CNTNAP2: variants seen among roughly 807,000 people sequenced by gnomAD.
CNTNAP2 encodes contactin-associated protein-like 2.
Under a neutral mutation model 155.2 loss-of-function variants are expected in CNTNAP2, and 98 were observed. The observed-to-expected ratio is 0.63, with a 90% CI of 0.54 to 0.75. The LOEUF (loss-of-function observed/expected upper bound fraction) is 0.75, where lower values mean the gene tolerates loss of function less well. Among genes scored for constraint, CNTNAP2 ranks in the 30% least tolerant of loss-of-function variants. The pLI is 0.00. For synonymous variants in CNTNAP2, 651 were observed against 631.2 expected (o/e 1.03, Z -0.47); for missense variants, 1,727 against 1,688.1 (o/e 1.02, Z -0.40).
chr7:147,102,297 A>AAAAAAAAC (rs3083773), intron 4 of CNTNAP2, among the ~76,000 whole-genome samples: 1 of 151,478 alleles, frequency 6.6e-6, no homozygotes, highest in East Asian at 1.9e-4. Context: ...AAAAAAAAAA[A>AAAAAAAAC]GAAGCTCAAG....
rs150783627 is a variant in CNTNAP2 at position 147,515,365 on chromosome 7, C to T, written c.1777+29324C>T. On this transcript the variant is annotated intron_variant, in intron 11 of 23. Coordinates refer to ENST00000361727, the MANE Select transcript of CNTNAP2 (RefSeq NM_014141.6). ...TTGAGACAAGTCTCGCTCTGTCGCC[C>T]AGGCTGGAGTGCAGTGGTGTGATCT... is the stretch of plus-strand genomic sequence containing the variant. Among the ~76,000 whole-genome samples, 1,349 of 141,206 alleles carry T rather than the reference C, an allele frequency of 9.6e-3. 26 individuals are homozygous for T. Among genetic ancestry groups the T allele is most frequent in the African/African-American group, 0.034 (1,292 of 38,274 alleles). 92.6% of individuals were successfully genotyped at this position (141,206 alleles called of 152,430 possible).
rs1443756350 is a variant in CNTNAP2 at position 146,882,058 on chromosome 7, CG to C, written c.402+42155del. Among the ~76,000 whole-genome samples, 7 of 151,966 alleles carry C rather than the reference CG, an allele frequency of 4.6e-5. No homozygotes were observed. In the East Asian group the frequency reaches 7.8e-4, roughly 17 times the overall value. ...TAGCTCCCACTTATAAGTGAAGATA[CG>C]CAGTATTTGGTTTTCTGTTCCCGCA... is the stretch of plus-strand genomic sequence containing the variant. On this transcript the variant is annotated intron_variant, in intron 3 of 23. Coordinates refer to ENST00000361727, the MANE Select transcript of CNTNAP2 (RefSeq NM_014141.6).
chr7:146,620,259 T>G (rs1470491649), intron 1 of CNTNAP2, among the ~76,000 whole-genome samples: 1 of 152,124 alleles, frequency 6.6e-6, no homozygotes, highest in Admixed American at 6.5e-5. Flanking sequence ...AAATGACACC[T>G]GCCGAATCAT....
chr7:146,151,704 A>G (rs1380144760), intron 1 of CNTNAP2, among the ~76,000 whole-genome samples: 5 of 63,468 alleles, frequency 7.9e-5, no homozygotes, highest in South Asian at 8.2e-4. Flanking sequence ...ATATGTATAT[A>G]TATATATATG....
At chr7:146,671,225 A>G (rs1023347764) in intron 1 of CNTNAP2, among the ~76,000 whole-genome samples, 3 of 152,176 alleles carry the variant, frequency 2.0e-5, no homozygotes, top group African/African-American at 7.2e-5. Context: ...CCTGGAGGCC[A>G]CCATGAGTTA....
intron 3 of CNTNAP2, among the ~76,000 whole-genome samples, chr7:146,860,056 A>G (rs1733444743): frequency 6.6e-6 from 1 of 152,222 alleles, no homozygotes; most frequent in Non-Finnish European, 1.5e-5. Context: ...ATAGAGTGGT[A>G]AAAACAGAAT....
chr7:146,440,433 A>G (rs1796304988), intron 1 of CNTNAP2, among the ~76,000 whole-genome samples: 2 of 151,656 alleles, frequency 1.3e-5, no homozygotes, highest in East Asian at 3.9e-4. Context: ...TCAACTTAAA[A>G]TCCAAAGAGT....
intron 3 of CNTNAP2, among the ~76,000 whole-genome samples, chr7:146,940,764 C>G (rs1020067946): frequency 6.6e-6 from 1 of 150,804 alleles, no homozygotes; most frequent in African/African-American, 2.4e-5. Flanking sequence ...TATATATATA[C>G]AGTCGTATAC....
chr7:147,442,449 G>A (rs564245118), intron 10 of CNTNAP2, among the ~76,000 whole-genome samples: 41 of 152,242 alleles, frequency 2.7e-4, no homozygotes, highest in Middle Eastern at 6.8e-3. Flanking sequence ...ATTTCATCCA[G>A]GAGCCAAGTG....
chr7:147,373,497 T>G (rs1796383487), intron 9 of CNTNAP2, among the ~76,000 whole-genome samples: 1 of 152,166 alleles, frequency 6.6e-6, no homozygotes, highest in African/African-American at 2.4e-5. Flanking sequence ...AATTTTTTAC[T>G]GGTTAAATTA....
intron 9 of CNTNAP2, among the ~76,000 whole-genome samples, chr7:147,315,214 T>G (rs533194769): frequency 6.6e-6 from 1 of 151,078 alleles, no homozygotes; most frequent in East Asian, 1.9e-4. Flanking sequence ...AGATTTTCTT[T>G]TTTTCTTATC....
At chr7:147,588,748 G>T (rs1189451220) in intron 12 of CNTNAP2, among the ~76,000 whole-genome samples, 1 of 152,146 alleles carries the variant, frequency 6.6e-6, no homozygotes, top group Non-Finnish European at 1.5e-5. Context: ...ACATTTATAG[G>T]AATTATGGTA....
chr7:147,913,988 A>C (rs76390614), intron 14 of CNTNAP2, among the ~76,000 whole-genome samples: 10 of 152,218 alleles, frequency 6.6e-5, no homozygotes, highest in Non-Finnish European at 1.3e-4. Context: ...ATCCTTCACC[A>C]TATGGCATGT....
chr7:146,611,698 C>A (rs1030767112), intron 1 of CNTNAP2, among the ~76,000 whole-genome samples: 6 of 152,060 alleles, frequency 3.9e-5, no homozygotes, highest in Admixed American at 3.9e-4. Context: ...TGAGAGGTAC[C>A]CTTATTAAAA....
intron 1 of CNTNAP2, among the ~76,000 whole-genome samples, chr7:146,249,130 G>A (rs1414866695): frequency 1.3e-5 from 2 of 152,082 alleles, no homozygotes; most frequent in African/African-American, 4.8e-5. Flanking sequence ...CTTTTGTGGT[G>A]GAATGTCATC....
chr7:148,360,051 C>T (rs1027701488), intron 21 of CNTNAP2, among the ~76,000 whole-genome samples: 1 of 152,064 alleles, frequency 6.6e-6, no homozygotes, highest in African/African-American at 2.4e-5. Context: ...GCAAAAACTG[C>T]AGATTGGCAG....
At chr7:147,439,890 G>A (rs766551668) in intron 10 of CNTNAP2, among the ~76,000 whole-genome samples, 99 of 151,786 alleles carry the variant, frequency 6.5e-4, no homozygotes, top group Non-Finnish European at 1.1e-3. Context: ...TATAAGAATC[G>A]TAACTCCTAC....
intron 1 of CNTNAP2, among the ~76,000 whole-genome samples, chr7:146,600,100 C>A (rs1798927251): frequency 6.6e-6 from 1 of 151,984 alleles, no homozygotes; most frequent in African/African-American, 2.4e-5. Context: ...CCACACAATA[C>A]TGGTTAAAGA....
At chr7:148,278,850 A>T (rs1796924792) in intron 21 of CNTNAP2, among the ~76,000 whole-genome samples, 1 of 152,250 alleles carries the variant, frequency 6.6e-6, no homozygotes, top group African/African-American at 2.4e-5. Context: ...TTGAGAAGGC[A>T]ATATTTAAGC....
Sources: gnomAD v4.1 joint callset for allele counts (sites outside exome capture counted in the v4.1 genomes callset) on GRCh38, gnomAD v4.1.1 for gene constraint, MANE v1.5 for transcripts, NCBI Gene and HGNC (gene_info 2026-07-23, HGNC 2026-07-21) for gene names.